GALNT10: variants seen among roughly 807,000 people sequenced by gnomAD.
GALNT10 encodes polypeptide N-acetylgalactosaminyltransferase 10, also known as GalNAc transferase 10.
GALNT10 carries 41 observed loss-of-function variants against 75.0 expected under a neutral mutation model. That is an observed-to-expected ratio of 0.55 (90% CI 0.43 to 0.71). GALNT10 has a LOEUF of 0.71. GALNT10 is among the 30% of genes least tolerant of loss of function. GALNT10 has a pLI of 0.00. For synonymous variants in GALNT10, 302 were observed against 313.0 expected (o/e 0.96, Z 0.37); for missense variants, 727 against 818.5 (o/e 0.89, Z 1.36).
chr5:154,317,334 T>C (rs1012073984), intron 3 of GALNT10, among the ~76,000 whole-genome samples: 2 of 152,246 alleles, frequency 1.3e-5, no homozygotes, highest in Non-Finnish European at 2.9e-5. Context: ...ATTTTTGAAA[T>C]ACTTCTCTTG....
intron 3 of GALNT10, among the ~76,000 whole-genome samples, chr5:154,319,079 T>C (rs2113104848): frequency 6.6e-6 from 1 of 152,324 alleles, no homozygotes; most frequent in South Asian, 2.1e-4. Flanking sequence ...AGACTACCAT[T>C]GCTTTGACCC....
intron 4 of GALNT10, among the ~76,000 whole-genome samples, chr5:154,357,035 A>G (rs543979265): frequency 1.3e-3 from 203 of 152,342 alleles, no homozygotes; most frequent in African/African-American, 4.6e-3. Context: ...AGTATTTCTT[A>G]GATACATTCC....
chr5:154,345,820 T>C (rs1389230104), intron 4 of GALNT10, among the ~76,000 whole-genome samples: 3 of 97,694 alleles, frequency 3.1e-5, no homozygotes, highest in Admixed American at 1.4e-4. Context: ...TTTTTTTGTA[T>C]TTTTTGTAGA....
intron 7 of GALNT10, among the ~76,000 whole-genome samples, chr5:154,396,232 T>TG (rs1230741601): frequency 9.2e-6 from 1 of 108,608 alleles, no homozygotes; most frequent in Non-Finnish European, 1.8e-5. Flanking sequence ...ATGAATGAAT[T>TG]AGGTAATTAA....
At chr5:154,320,618 G>A (rs1384761479) in intron 3 of GALNT10, among the ~76,000 whole-genome samples, 1 of 152,208 alleles carries the variant, frequency 6.6e-6, no homozygotes, top group East Asian at 1.9e-4. Context: ...GGATTTTTAA[G>A]AAGGGGTGGT....
chr5:154,353,629 C>A (rs1384508876), intron 4 of GALNT10, among the ~76,000 whole-genome samples: 1 of 152,232 alleles, frequency 6.6e-6, no homozygotes, highest in Non-Finnish European at 1.5e-5. Context: ...CCCTGATGAA[C>A]AAGAAGACAT....
intron 8 of GALNT10, among the ~76,000 whole-genome samples, chr5:154,405,334 C>T (rs1756255347): frequency 6.6e-6 from 1 of 152,178 alleles, no homozygotes; most frequent in African/African-American, 2.4e-5. Flanking sequence ...GAGCTGAGCT[C>T]CGGGAAGTGT....
At chr5:154,205,257 G>A (rs574267913) in intron 1 of GALNT10, among the ~76,000 whole-genome samples, 2 of 152,346 alleles carry the variant, frequency 1.3e-5, no homozygotes, top group South Asian at 2.1e-4. Flanking sequence ...ATCAGAAGCA[G>A]CTCCTGTCCT....
intron 1 of GALNT10, among the ~76,000 whole-genome samples, chr5:154,193,216 G>A (rs947439712): frequency 6.6e-6 from 1 of 152,180 alleles, no homozygotes; most frequent in Non-Finnish European, 1.5e-5. Context: ...TTTGCTTCAT[G>A]GGAGCAGCAG....
At chr5:154,328,248 A>C (rs985423927) in intron 3 of GALNT10, among the ~76,000 whole-genome samples, 3 of 152,190 alleles carry the variant, frequency 2.0e-5, no homozygotes, top group Admixed American at 1.3e-4. Flanking sequence ...TGATGATATT[A>C]AGGAACAATG....
At chr5:154,255,376 A>G (rs1753591193) in intron 1 of GALNT10, among the ~76,000 whole-genome samples, 1 of 152,158 alleles carries the variant, frequency 6.6e-6, no homozygotes, top group Non-Finnish European at 1.5e-5. Context: ...AGTGCCGGGT[A>G]TAATGAGAAA....
At chr5:154,282,752 A>G (rs1461682919) in intron 1 of GALNT10, among the ~76,000 whole-genome samples, 1 of 152,210 alleles carries the variant, frequency 6.6e-6, no homozygotes, top group East Asian at 1.9e-4. Flanking sequence ...AAATCTTTGG[A>G]CTATATTAGA....
At chr5:154,198,680 C>G (rs1280618993) in intron 1 of GALNT10, among the ~76,000 whole-genome samples, 2 of 152,212 alleles carry the variant, frequency 1.3e-5, no homozygotes, top group African/African-American at 4.8e-5. Flanking sequence ...CACCCTGGGA[C>G]AACCCAGACC....
At chr5:154,275,097 G>A (rs536448306) in intron 1 of GALNT10, among the ~76,000 whole-genome samples, 1 of 152,252 alleles carries the variant, frequency 6.6e-6, no homozygotes, top group Non-Finnish European at 1.5e-5. Context: ...CCACATCACC[G>A]TCTATAAAAC....
intron 3 of GALNT10, among the ~76,000 whole-genome samples, chr5:154,305,335 C>CA (rs1007768770): frequency 6.6e-6 from 1 of 150,988 alleles, no homozygotes; most frequent in Non-Finnish European, 1.5e-5. Context: ...TAGAAACTAC[C>CA]AAAATGATGG....
At chr5:154,304,442 A>G (rs370111284) in intron 3 of GALNT10, among the ~76,000 whole-genome samples, 1 of 152,236 alleles carries the variant, frequency 6.6e-6, no homozygotes, top group East Asian at 1.9e-4. Flanking sequence ...TAAACAGTAC[A>G]AAGAAGAATA....
chr5:154,320,724 G>A (rs1305435889), intron 3 of GALNT10, among the ~76,000 whole-genome samples: 2 of 152,168 alleles, frequency 1.3e-5, no homozygotes, highest in Admixed American at 6.5e-5. Flanking sequence ...AAGGGGAAAG[G>A]GCAGAGGAAG....
intron 3 of GALNT10, among the ~76,000 whole-genome samples, chr5:154,305,294 T>C (rs1754416157): frequency 7.0e-6 from 1 of 143,362 alleles, no homozygotes; most frequent in South Asian, 2.1e-4. Flanking sequence ...AGACCTCATC[T>C]GTAAAAAAAA....
At chr5:154,343,393 T>C (rs1375485791) in intron 4 of GALNT10, among the ~76,000 whole-genome samples, 2 of 152,114 alleles carry the variant, frequency 1.3e-5, no homozygotes, top group Non-Finnish European at 2.9e-5. Context: ...TCTGGCCCAT[T>C]GTAAGGATCA....
Sources: gnomAD v4.1 joint callset for allele counts (sites outside exome capture counted in the v4.1 genomes callset) on GRCh38, gnomAD v4.1.1 for gene constraint, MANE v1.5 for transcripts, NCBI Gene and HGNC (gene_info 2026-07-23, HGNC 2026-07-21) for gene names.